ANK2: variants seen among roughly 807,000 people sequenced by gnomAD.
ANK2 encodes ankyrin 2.
Under a neutral mutation model 360.5 loss-of-function variants are expected in ANK2, and 83 were observed. That is an observed-to-expected ratio of 0.23 (90% CI 0.19 to 0.28). ANK2 has a LOEUF of 0.28. Among genes scored for constraint, ANK2 ranks in the 10% least tolerant of loss-of-function variants. The pLI, the probability that ANK2 is intolerant of heterozygous loss-of-function variation, is 1.00. For missense variants in ANK2, 4,201 were observed against 4,795.7 expected, an observed-to-expected ratio of 0.88 and a Z score of 3.66; for synonymous variants, 1,740 against 1,759.5, an observed-to-expected ratio of 0.99 and a Z score of 0.28.
chr4:112,975,425 GA>G (rs1199055917), intron 2 of ANK2, among the ~76,000 whole-genome samples: 2 of 151,388 alleles, frequency 1.3e-5, no homozygotes, highest in African/African-American at 2.4e-5. Flanking sequence ...TACTTGAAAG[GA>G]AAAAAAATAT....
chr4:112,776,863 C>G, the ANK2 span, among the ~76,000 whole-genome samples: 1 of 152,210 alleles, frequency 6.6e-6, no homozygotes, highest in African/African-American at 2.4e-5. Flanking sequence ...CCCTCTCACT[C>G]TGTTTCATCC....
At chr4:112,890,146 T>C (rs780768486) in intron 1 of ANK2, among the ~76,000 whole-genome samples, 11 of 152,210 alleles carry the variant, frequency 7.2e-5, no homozygotes, top group Non-Finnish European at 1.0e-4. Context: ...TTCACCTCTT[T>C]TTCTTCCTTT....
At chr4:112,781,821 A>G in the ANK2 span, among the ~76,000 whole-genome samples, 1 of 147,848 alleles carries the variant, frequency 6.8e-6, no homozygotes, top group Non-Finnish European at 1.5e-5. Context: ...AAAGTGTGAT[A>G]ACAGTATTTT....
intron 1 of ANK2, among the ~76,000 whole-genome samples, chr4:113,075,510 C>T (rs2079553697): frequency 6.6e-6 from 1 of 152,048 alleles, no homozygotes; most frequent in Non-Finnish European, 1.5e-5. Flanking sequence ...ATCTCCTGTG[C>T]CTCTGCCATC....
intron 29 of ANK2, 90 bp downstream of exon 29, chr4:113,333,298 ATGTGTGTGTGTG>A: frequency 3.4e-6 from 4 of 1,162,004 alleles, no homozygotes; most frequent in East Asian, 2.6e-5. Flanking sequence ...GTGTGTGTAT[ATGTGTGTGTGTG>A]TGTGTGTGTG....
intron 2 of ANK2, among the ~76,000 whole-genome samples, chr4:112,992,189 G>T (rs1199111602): frequency 1.3e-4 from 19 of 151,190 alleles, no homozygotes; most frequent in African/African-American, 4.4e-4. Context: ...TGTCACCCAG[G>T]CTGGAGTACA....
chr4:113,153,053 AG>A (rs2097153478), intron 1 of ANK2, among the ~76,000 whole-genome samples: 1 of 152,152 alleles, frequency 6.6e-6, no homozygotes. Flanking sequence ...GATGAGTTTA[AG>A]TGTTGCTGAC....
intron 22 of ANK2, among the ~76,000 whole-genome samples, chr4:113,296,922 G>T (rs2071894225): frequency 6.6e-6 from 1 of 151,922 alleles, no homozygotes; most frequent in Non-Finnish European, 1.5e-5. Flanking sequence ...CATATAATTG[G>T]TATGCAGACC....
chr4:112,982,262 T>C (rs1393608094), intron 2 of ANK2, among the ~76,000 whole-genome samples: 2 of 152,176 alleles, frequency 1.3e-5, no homozygotes, highest in African/African-American at 4.8e-5. Flanking sequence ...TGGCTCTAGT[T>C]AGAGGTGAAT....
chr4:113,136,431 C>T (rs1344535100), intron 1 of ANK2, among the ~76,000 whole-genome samples: 3 of 152,116 alleles, frequency 2.0e-5, no homozygotes, highest in Admixed American at 1.3e-4. Context: ...AATGGTGGTT[C>T]GCACCTGTAA....
chr4:113,194,709 T>G lies in ANK2; in HGVS notation c.187-1659T>G, dbSNP rs541086278. On this transcript the variant is annotated intron_variant, in intron 2 of 45. Coordinates refer to ENST00000357077, the MANE Select transcript of ANK2 (RefSeq NM_001148.6). ...TTGTGGTATCAAAGATGATATCATG[T>G]CTGGAACTCACAGATCTGCAAAGCC... is the stretch of plus-strand genomic sequence containing the variant. Among the ~76,000 whole-genome samples, 230 of 152,266 alleles carry G rather than the reference T, an allele frequency of 1.5e-3. 1 individual carries two copies. The highest frequency in any genetic ancestry group is 2.4e-3 in the Non-Finnish European group (163 of 67,986).
intron 2 of ANK2, among the ~76,000 whole-genome samples, chr4:112,924,368 A>AG (rs1217880311): frequency 1.3e-5 from 2 of 150,868 alleles, no homozygotes; most frequent in Non-Finnish European, 2.9e-5. Context: ...ACTTCATCTC[A>AG]GAAAAAAAAA....
At chr4:112,720,855 G>T in the ANK2 span, among the ~76,000 whole-genome samples, 1 of 152,160 alleles carries the variant, frequency 6.6e-6, no homozygotes, top group African/African-American at 2.4e-5. Context: ...ACATTAAAAA[G>T]AAACCTTACA....
At chr4:112,818,213 C>G (rs894170344) in exon 1 of ANK2, 1 of 152,270 alleles carries the variant, frequency 6.6e-6, no homozygotes, top group Non-Finnish European at 1.5e-5. Context: ...CTCCGGGGCC[C>G]CTCCTGCTGC....
intron 1 of ANK2, among the ~76,000 whole-genome samples, chr4:113,094,522 G>T (rs563725001): frequency 1.3e-5 from 2 of 150,216 alleles, no homozygotes; most frequent in South Asian, 4.2e-4. Context: ...CAGCACGTGT[G>T]TGTGTGTGTG....
At chr4:112,885,837 G>A (rs2078209924) in intron 1 of ANK2, among the ~76,000 whole-genome samples, 2 of 145,922 alleles carry the variant, frequency 1.4e-5, no homozygotes, top group South Asian at 4.4e-4. Flanking sequence ...TAAATAAGCA[G>A]CGCAACCTTC....
chr4:113,331,658 AG>A (rs1406170802), intron 27 of ANK2, among the ~76,000 whole-genome samples: 3 of 152,220 alleles, frequency 2.0e-5, no homozygotes, highest in Non-Finnish European at 4.4e-5. Context: ...TACAGGGCAG[AG>A]TTTTCATTAT....
intron 22 of ANK2, among the ~76,000 whole-genome samples, 180 bp downstream of exon 22, chr4:113,293,718 T>C (rs541146373): frequency 3.5e-4 from 54 of 152,372 alleles, no homozygotes; most frequent in African/African-American, 1.2e-3. Context: ...ACACAAGGAA[T>C]ACAGGGCTTC....
At position 113,355,529 on chromosome 4, in the gene ANK2, C is replaced by A; in HGVS notation, c.6911C>A (p.Thr2304Asn). ...GTCACTGAGGACTCAGAGACCTCTACTGAGAGTTTTCAGAAAGAGGCCACT... is the reference window on the plus strand; with the variant it reads ...GTCACTGAGGACTCAGAGACCTCTAATGAGAGTTTTCAGAAAGAGGCCACT... ...ATVTEDSETS[T>N]ESFQKEATLG... is the part of the protein sequence containing the mutation. Residue 2304 changes from threonine (T) to asparagine (N), a missense_variant, in exon 38 of 46, where the codon ACT becomes AAT. Physicochemically the swap from Thr to Asn is moderately conservative, Grantham distance 65. Around this residue, in one of 4 missense-constraint regions of ANK2, gnomAD observed 2,642 missense variants for 2,714.5 expected, o/e 0.97. Transcript: ENST00000357077. 1.2e-6 allele frequency: 2 copies of A among 1,614,088 alleles called. No homozygotes were observed. The highest frequency in any genetic ancestry group is 1.7e-6 in the Non-Finnish European group (2 of 1,179,982).
Sources: gnomAD v4.1 joint callset for allele counts (sites outside exome capture counted in the v4.1 genomes callset) on GRCh38, gnomAD v4.1.1 for gene constraint, gnomAD v4.1.1 regional missense constraint, MANE v1.5 for transcripts, NCBI Gene and HGNC (gene_info 2026-07-23, HGNC 2026-07-21) for gene names.